Variants in TPP2 observed in about 807,000 individuals in gnomAD.
The protein encoded by TPP2 is tripeptidyl-peptidase 2.
In TPP2, 34 loss-of-function variants were observed where a neutral mutation model predicts 155.9. The ratio of observed to expected loss-of-function variants is 0.22; its 90% CI spans 0.17 to 0.29. TPP2 has a LOEUF of 0.29. TPP2 is among the 10% of genes least tolerant of loss of function. TPP2 has a pLI of 1.00. For synonymous variants in TPP2, 510 were observed against 529.4 expected, an observed-to-expected ratio of 0.96 and a Z score of 0.50; for missense variants, 1,028 against 1,522.3, an observed-to-expected ratio of 0.68 and a Z score of 5.40.
chr13:102,636,119 A>G (rs1249146681), intron 12 of TPP2, 105 bp from the exon 13 acceptor site: 1 of 1,170,074 alleles, frequency 8.5e-7, no homozygotes, highest in South Asian at 1.6e-5. Context: ...GAATATAGAC[A>G]CTAACTTTTT....
At chr13:102,658,696 T>C (rs1037406501) in intron 25 of TPP2, among the ~76,000 whole-genome samples, 3 of 152,204 alleles carry the variant, frequency 2.0e-5, no homozygotes, top group African/African-American at 7.2e-5. Flanking sequence ...CTGCCTCCCT[T>C]TCCTCTCCCA....
In TPP2 at chr13:102,679,381, G is replaced by A. The variant is rs992092395; in HGVS notation, c.*1065G>A. ...TTATTTTTATCTTTGGCTACTGCAC[G>A]TGCATCTCTCGTCATTCCTCCACCA... On this transcript the variant is annotated 3_prime_UTR_variant, in exon 30 of 30. Coordinates refer to ENST00000376052, the MANE Select transcript of TPP2 (RefSeq NM_001330588.2). 2 of 152,100 alleles carry A rather than the reference G, an allele frequency of 1.3e-5. No individual in the cohort carries two copies. Among genetic ancestry groups the A allele is most frequent in the South Asian group, 2.1e-4 (1 of 4,834 alleles). 9.4% of individuals were successfully genotyped at this position (152,100 alleles called of 1,614,324 possible).
chr13:102,625,473 A>G (rs1436917901), intron 6 of TPP2, among the ~76,000 whole-genome samples: 1 of 152,082 alleles, frequency 6.6e-6, no homozygotes, highest in Non-Finnish European at 1.5e-5. Flanking sequence ...CTTTTTTAAG[A>G]AATATTCAAG....
chr13:102,622,493 G>A (rs889737965), intron 5 of TPP2, among the ~76,000 whole-genome samples: 3 of 152,164 alleles, frequency 2.0e-5, no homozygotes, highest in Non-Finnish European at 4.4e-5. Context: ...TGTGTAAGCC[G>A]TTAGATTCTT....
intron 2 of TPP2, 152 bp from the exon 3 acceptor site, chr13:102,613,949 A>G: frequency 1.7e-6 from 1 of 578,218 alleles, no homozygotes. Flanking sequence ...TTAAGTAACT[A>G]CTTAGAGTAT....
chr13:102,674,472 T>G lies in TPP2; in HGVS notation c.3561T>G (p.Thr1187=), dbSNP rs1189143014. Residue 1187 remains threonine (T), a synonymous_variant, in exon 28 of 30, where the codon ACT becomes ACG. Coordinates refer to ENST00000376052, the MANE Select transcript of TPP2 (RefSeq NM_001330588.2). ...CATTTTGGGAAACTACTAAATGGAC[T>G]GATCTCTTTGACAATAAGGTAACGT... ...AETFWETTKW[T]DLFDNKVLTF... 5 of 1,613,626 alleles carry G rather than the reference T, an allele frequency of 3.1e-6. No individual in the cohort carries two copies. In the Admixed American group the frequency reaches 6.7e-5, roughly 22 times the overall value.
At position 102,638,241 on chromosome 13, in the gene TPP2, A is replaced by G. The variant is rs754281447; in HGVS notation, c.1839A>G (p.Val613=). Residue 613 remains valine (V), a splice_region_variant and synonymous_variant, in exon 15 of 30, where the codon GTA becomes GTG. Coordinates refer to ENST00000376052, the MANE Select transcript of TPP2 (RefSeq NM_001330588.2). ...CACTTACCGATTCTTTTTTCAAGGT[A>G]TGTGGCTATGATATAGCATCCCCTA... ...GLREGLHYTE[V]CGYDIASPNA... 38 of 1,612,140 alleles carry G rather than the reference A, an allele frequency of 2.4e-5. No individual in the cohort carries two copies. The highest frequency in any genetic ancestry group is 3.1e-5 in the Non-Finnish European group (37 of 1,179,870).
At chr13:102,616,354 A>G in intron 3 of TPP2, 42 bp from the exon 4 acceptor site, 1 of 1,514,962 alleles carries the variant, frequency 6.6e-7, no homozygotes, top group Non-Finnish European at 9.1e-7. Context: ...TTACCTGAGT[A>G]TTTGTCAGCC....
At chr13:102,661,359 T>A (rs1191054859) in intron 25 of TPP2, among the ~76,000 whole-genome samples, 1 of 151,234 alleles carries the variant, frequency 6.6e-6, no homozygotes, top group African/African-American at 2.4e-5. Flanking sequence ...CAAGGGATCT[T>A]CCCACTTCAG....
At chr13:102,665,035 CT>C in intron 27 of TPP2, 110 bp downstream of exon 27, 1 of 1,312,636 alleles carries the variant, frequency 7.6e-7, no homozygotes, top group Non-Finnish European at 1.0e-6. Context: ...TTGTTATATC[CT>C]TATAATGGGA....
At chr13:102,626,126 C>T (rs1233823222) in intron 6 of TPP2, among the ~76,000 whole-genome samples, 1 of 152,144 alleles carries the variant, frequency 6.6e-6, no homozygotes, top group Non-Finnish European at 1.5e-5. Flanking sequence ...ATGTACCCTC[C>T]CACCTCCTAC....
intron 3 of TPP2, among the ~76,000 whole-genome samples, chr13:102,614,617 C>T (rs988873869): frequency 6.6e-6 from 1 of 151,952 alleles, no homozygotes; most frequent in Non-Finnish European, 1.5e-5. Flanking sequence ...AACTAGCCTT[C>T]TTGCTCCCAG....
At chr13:102,627,779 C>A in intron 7 of TPP2, 69 bp from the exon 8 acceptor site, 1 of 1,089,494 alleles carries the variant, frequency 9.2e-7, no homozygotes, top group African/African-American at 1.6e-5. Context: ...TATATATATG[C>A]CCTTATTTTA....
intron 17 of TPP2, 73 bp downstream of exon 17, chr13:102,643,449 T>A (rs552906544): frequency 2.3e-6 from 3 of 1,288,434 alleles, no homozygotes; most frequent in East Asian, 5.6e-5. Flanking sequence ...ACTAAGTATT[T>A]GCATTTGATT....
intron 27 of TPP2, 47 bp from the exon 28 acceptor site, chr13:102,674,236 A>G: frequency 6.4e-7 from 1 of 1,555,638 alleles, no homozygotes; most frequent in Non-Finnish European, 8.7e-7. Context: ...ATTTACTTTT[A>G]AAGACATTTT....
At chr13:102,629,927 G>A (rs1358687520) in intron 9 of TPP2, among the ~76,000 whole-genome samples, 169 bp from the exon 10 acceptor site, 1 of 152,208 alleles carries the variant, frequency 6.6e-6, no homozygotes, top group Non-Finnish European at 1.5e-5. Context: ...TTAGTAAAAT[G>A]TATGGTACAT....
chr13:102,656,369 T>C (rs910263017), intron 24 of TPP2, among the ~76,000 whole-genome samples: 2 of 152,332 alleles, frequency 1.3e-5, no homozygotes, highest in South Asian at 2.1e-4. Flanking sequence ...ACAGCTGTGC[T>C]TGCTTTATAC....
chr13:102,601,846 TAAG>T (rs770184868), intron 1 of TPP2, among the ~76,000 whole-genome samples: 124 of 152,338 alleles, frequency 8.1e-4, no homozygotes, highest in Non-Finnish European at 1.5e-3. Flanking sequence ...AATATTAAAG[TAAG>T]AAATTCATGG....
rs1304339770 is a variant in TPP2 at position 102,622,869 on chromosome 13, A to C, written c.621-8A>C. 1 of 1,590,542 alleles carries C rather than the reference A, an allele frequency of 6.3e-7. No homozygotes were observed. The highest frequency in any genetic ancestry group is 1.9e-5 in the Admixed American group (1 of 52,556). On this transcript the variant is annotated splice_region_variant and splice_polypyrimidine_tract_variant and intron_variant, in intron 5 of 29. Transcript: ENST00000376052. ...ATTTTACTGTCTCCATTTCTTTTTA[A>C]TTAATAGAGCCTGCATTGATTCTAA...
Sources: gnomAD v4.1 joint callset for allele counts (sites outside exome capture counted in the v4.1 genomes callset) on GRCh38, gnomAD v4.1.1 for gene constraint, MANE v1.5 for transcripts, NCBI Gene and HGNC (gene_info 2026-07-23, HGNC 2026-07-21) for gene names.